Variants in ENPP2 observed in about 807,000 individuals in gnomAD.
ENPP2 encodes the protein autotaxin.
In ENPP2, 51 loss-of-function variants were observed where a neutral mutation model predicts 120.2. That is an observed-to-expected ratio of 0.42 (90% CI 0.34 to 0.54). The LOEUF is 0.54. Ranked by LOEUF, ENPP2 falls within the 20% of genes least tolerant of loss-of-function variation. ENPP2 has a pLI of 0.04. For missense variants in ENPP2, 920 were observed against 1,066.5 expected (o/e 0.86, Z 1.91); for synonymous variants, 365 against 366.4 (o/e 1.00, Z 0.04).
intron 1 of ENPP2, among the ~76,000 whole-genome samples, chr8:119,671,572 G>T (rs1419714546): frequency 2.6e-5 from 4 of 152,156 alleles, no homozygotes; most frequent in Non-Finnish European, 2.9e-5. Context: ...TGTCTGACTT[G>T]GACAACTTGA....
intron 2 of ENPP2, among the ~76,000 whole-genome samples, chr8:119,635,223 TGTTA>T (rs1452109149): frequency 6.6e-6 from 1 of 152,364 alleles, no homozygotes; most frequent in Non-Finnish European, 1.5e-5. Context: ...TCCATAAAGT[TGTTA>T]GTGACAGTCT....
upstream of ENPP2, among the ~76,000 whole-genome samples, chr8:119,641,710 G>A (rs554048186): frequency 4.5e-4 from 69 of 152,270 alleles, no homozygotes; most frequent in African/African-American, 1.5e-3. Flanking sequence ...TATGTCCTGC[G>A]TATCAAGATC....
At chr8:119,637,256 T>TC (rs930689440) in intron 2 of ENPP2, among the ~76,000 whole-genome samples, 1 of 152,098 alleles carries the variant, frequency 6.6e-6, no homozygotes, top group African/African-American at 2.4e-5. Context: ...TGATCCACTG[T>TC]CCTCTGCCTC....
intron 1 of ENPP2, among the ~76,000 whole-genome samples, chr8:119,654,386 T>C (rs964514654): frequency 6.9e-6 from 1 of 144,444 alleles, no homozygotes; most frequent in Non-Finnish European, 1.5e-5. Context: ...TAGAGAGATA[T>C]ATCTAGATAT....
At position 119,638,743 on chromosome 8, in the gene ENPP2, C is replaced by G. The variant is rs1238708886; in HGVS notation, c.33+5G>C. 6.5e-7 allele frequency: 1 copy of G among 1,548,184 alleles called. No homozygotes were observed. Among genetic ancestry groups the G allele is most frequent in the Non-Finnish European group, 8.9e-7 (1 of 1,119,662 alleles). The stretch of plus-strand genomic sequence containing the variant: ...ATGTCCCCCGTCATTCCTCCGTTCT[C>G]CCACCTGACACGACTGGAACGAGCT... On this transcript the variant is annotated splice_donor_5th_base_variant and intron_variant, in intron 1 of 24. Coordinates refer to ENST00000075322, the MANE Select transcript of ENPP2 (RefSeq NM_001040092.3).
At chr8:119,625,361 T>C (rs1157655192) in intron 3 of ENPP2, among the ~76,000 whole-genome samples, 1 of 152,096 alleles carries the variant, frequency 6.6e-6, no homozygotes, top group Non-Finnish European at 1.5e-5. Flanking sequence ...GGTTGGAAAA[T>C]GTGTTCTGCA....
intron 1 of ENPP2, among the ~76,000 whole-genome samples, chr8:119,654,376 T>C (rs184609097): frequency 7.6e-5 from 11 of 143,812 alleles, no homozygotes; most frequent in Non-Finnish European, 1.4e-4. Context: ...TTATATTATA[T>C]AGAGAGATAT....
chr8:119,570,570 A>G lies in ENPP2; in HGVS notation c.1917+135T>C. The G allele has an allele frequency of 5.4e-6, 3 of 557,574 alleles. No individual in the cohort carries two copies. The South Asian group carries it at 8.4e-5, about 16-fold the overall frequency. The allele number at this position is 557,574 out of a possible 1,614,324, so 34.5% of individuals were successfully genotyped here. ...GCTAATTCAAAATATCTTACAATAA[A>G]TCCAACATAGGATTTCTGTCATTAA... On this transcript the variant is annotated intron_variant, in intron 20 of 24. Transcript: ENST00000075322.
rs186002579 is a variant in ENPP2, at chr8:119,580,247, A to C, written c.1729-80T>G. 1,640 of 1,069,012 alleles carry C rather than the reference A, an allele frequency of 1.5e-3. 12 individuals carry two copies. Among genetic ancestry groups the C allele is most frequent in the Non-Finnish European group, 8.9e-4 (610 of 687,088 alleles). The allele number at this position is 1,069,012 out of a possible 1,614,324, so 66.2% of individuals were successfully genotyped here. Reference sequence around the variant, plus strand: ...TCCCTCTGTGCCCTTCTGTCGACTTAGCACCCTGCTAAATTCAAAAGCGAA... The same window carrying C: ...TCCCTCTGTGCCCTTCTGTCGACTTCGCACCCTGCTAAATTCAAAAGCGAA... On this transcript the variant is annotated intron_variant, in intron 18 of 24. Transcript: ENST00000075322.
At chr8:119,652,080 T>C (rs142111460) in intron 1 of ENPP2, among the ~76,000 whole-genome samples, 323 of 152,278 alleles carry the variant, frequency 2.1e-3, no homozygotes, top group Admixed American at 4.6e-3. Context: ...AATGTATTTT[T>C]CATAGTTCTG....
intron 3 of ENPP2, among the ~76,000 whole-genome samples, chr8:119,625,398 A>C (rs1816200181): frequency 6.6e-6 from 1 of 152,222 alleles, no homozygotes; most frequent in South Asian, 2.1e-4. Flanking sequence ...AGCTGTTCTT[A>C]TTGCAGGGAC....
upstream of ENPP2, among the ~76,000 whole-genome samples, chr8:119,640,793 G>T (rs1387366917): frequency 6.6e-6 from 1 of 152,050 alleles, no homozygotes. Flanking sequence ...TTGTTGCCCA[G>T]GCTGGAGTGC....
At chr8:119,619,204 TA>T in intron 5 of ENPP2, 39 bp downstream of exon 5, 1 of 1,346,960 alleles carries the variant, frequency 7.4e-7, no homozygotes, top group Non-Finnish European at 1.1e-6. Context: ...GTTTATCAGC[TA>T]ATACATAAAA....
In ENPP2 at chr8:119,557,550, A is replaced by G; in HGVS notation, c.2563T>C (p.Tyr855His). ...SYPEILTLKT[Y>H]LHTYESEI Reference sequence around the variant, plus strand: ...ATCTCGCTCTCATATGTATGCAGGTATGTCTTGAGTGTCAGGATTTCTGGG... The same window carrying G: ...ATCTCGCTCTCATATGTATGCAGGTGTGTCTTGAGTGTCAGGATTTCTGGG... The change falls in exon 25 of 25, where the codon TAC (tyrosine) becomes CAC (histidine). Residue 855 changes from tyrosine (Y) to histidine (H), a missense_variant. Physicochemically the swap from Tyr to His is moderately conservative, Grantham distance 83. Transcript: ENST00000075322. 6.2e-7 allele frequency: 1 copy of G among 1,613,354 alleles called. No homozygotes were observed.
At chr8:119,581,828 C>T (rs558480033) in intron 18 of ENPP2, among the ~76,000 whole-genome samples, 4 of 151,382 alleles carry the variant, frequency 2.6e-5, no homozygotes, top group Admixed American at 1.3e-4. Flanking sequence ...GACACAATCC[C>T]GGCTCACTGC....
intron 1 of ENPP2, chr8:119,673,135 G>A: frequency 1.2e-6 from 1 of 848,948 alleles, no homozygotes; most frequent in Non-Finnish European, 1.9e-6. Flanking sequence ...GCCCAACAGG[G>A]ACTGCTTTCC....
rs539344221 is a variant in ENPP2 at position 119,607,543 on chromosome 8, C to T, written c.833+379G>A. ...ACAAAAAATTAGCCGGGAGTGGTAG[C>T]AGGTGCCTGTAATTCCAGCCACTTG... On this transcript the variant is annotated intron_variant, in intron 9 of 24. Transcript: ENST00000075322. Among the ~76,000 whole-genome samples the T allele has an allele frequency of 7.2e-5, 11 of 152,082 alleles. No individual in the cohort carries two copies. The East Asian group carries it at 1.6e-3, about 21-fold the overall frequency.
intron 1 of ENPP2, among the ~76,000 whole-genome samples, chr8:119,652,327 G>A (rs976394186): frequency 1.3e-5 from 2 of 152,058 alleles, no homozygotes; most frequent in African/African-American, 2.4e-5. Flanking sequence ...GGATTTCAAC[G>A]TATGAATTTG....
At chr8:119,593,621 CCCCATCTTAAAGAAAGCGGGGA>C (rs1813689602) in intron 12 of ENPP2, 109 bp downstream of exon 12, 1 of 643,564 alleles carries the variant, frequency 1.6e-6, no homozygotes, top group South Asian at 2.0e-5. Flanking sequence ...TGATTTCTAT[CCCCATCTTAAAGAAAGCGGGGA>C]TGAGGTTAAG....
Sources: gnomAD v4.1 joint callset for allele counts (sites outside exome capture counted in the v4.1 genomes callset) on GRCh38, gnomAD v4.1.1 for gene constraint, MANE v1.5 for transcripts, NCBI Gene and HGNC (gene_info 2026-07-23, HGNC 2026-07-21) for gene names.